Variants in CACNA2D3 observed in about 807,000 individuals in gnomAD.
CACNA2D3 encodes calcium voltage-gated channel auxiliary subunit alpha2delta 3, also known as voltage-dependent calcium channel subunit alpha-2/delta-3.
Under a neutral mutation model 160.6 loss-of-function variants are expected in CACNA2D3, and 60 were observed. The ratio of observed to expected loss-of-function variants is 0.37; its 90% CI spans 0.30 to 0.46. The LOEUF (loss-of-function observed/expected upper bound fraction) is 0.46. Ranked by LOEUF, CACNA2D3 falls within the 20% of genes least tolerant of loss-of-function variation. The pLI, the probability that CACNA2D3 is intolerant of heterozygous loss-of-function variation, is 1.00. For missense variants in CACNA2D3, 1,205 were observed against 1,365.0 expected (o/e 0.88, Z 1.85); for synonymous variants, 558 against 492.9 (o/e 1.13, Z -1.75).
intron 3 of CACNA2D3, among the ~76,000 whole-genome samples, chr3:54,352,060 G>A (rs1411201803): frequency 2.0e-5 from 3 of 152,270 alleles, no homozygotes; most frequent in African/African-American, 7.2e-5. Flanking sequence ...GGATACATAC[G>A]CTTGTGTTAT....
At chr3:54,218,913 T>C (rs1701514282) in intron 2 of CACNA2D3, among the ~76,000 whole-genome samples, 1 of 152,198 alleles carries the variant, frequency 6.6e-6, no homozygotes, top group South Asian at 2.1e-4. Context: ...GTGACTACAC[T>C]GAGTCCACCC....
chr3:54,155,495 C>A (rs907267337), intron 2 of CACNA2D3, among the ~76,000 whole-genome samples: 2 of 152,142 alleles, frequency 1.3e-5, no homozygotes, highest in African/African-American at 4.8e-5. Flanking sequence ...AGTTATATGG[C>A]CTAGGTCTCA....
At chr3:54,253,893 G>T (rs779671917) in intron 2 of CACNA2D3, among the ~76,000 whole-genome samples, 9 of 151,792 alleles carry the variant, frequency 5.9e-5, no homozygotes, top group African/African-American at 2.2e-4. Flanking sequence ...TCAGCCTCCC[G>T]AGTAGCTGGG....
chr3:54,507,380 G>A (rs1316793735), intron 5 of CACNA2D3, among the ~76,000 whole-genome samples: 1 of 152,110 alleles, frequency 6.6e-6, no homozygotes, highest in African/African-American at 2.4e-5. Context: ...CTCTAGCATT[G>A]CTCTGTTCTG....
intron 6 of CACNA2D3, among the ~76,000 whole-genome samples, chr3:54,565,478 T>C (rs899217180): frequency 1.3e-4 from 20 of 152,162 alleles, no homozygotes; most frequent in African/African-American, 4.8e-4. Context: ...CAGTTCAATT[T>C]ATGTCCTAAG....
chr3:54,359,649 A>G (rs1698709449), intron 3 of CACNA2D3, among the ~76,000 whole-genome samples: 1 of 152,180 alleles, frequency 6.6e-6, no homozygotes, highest in South Asian at 2.1e-4. Flanking sequence ...TTGAGAAGTG[A>G]TTCTTGCTCC....
intron 11 of CACNA2D3, among the ~76,000 whole-genome samples, chr3:54,704,798 T>A (rs1252424837): frequency 1.3e-5 from 2 of 152,168 alleles, no homozygotes; most frequent in African/African-American, 4.8e-5. Flanking sequence ...CAAGTCCAGT[T>A]GTTCTTGGTG....
intron 4 of CACNA2D3, among the ~76,000 whole-genome samples, chr3:54,400,727 G>T (rs893807982): frequency 1.3e-5 from 2 of 152,120 alleles, no homozygotes; most frequent in Non-Finnish European, 2.9e-5. Flanking sequence ...GGCACAGTAA[G>T]ACCCATCTGC....
rs554983001 is a variant in CACNA2D3 at position 54,686,358 on chromosome 3, A to G, written c.1167+44117A>G. On this transcript the variant is annotated intron_variant, in intron 11 of 37. Coordinates refer to ENST00000474759, the MANE Select transcript of CACNA2D3 (RefSeq NM_018398.3). Reference sequence around the variant, plus strand: ...CCTCTTCAATAGTACTCTGACTAGCACTTGTCATTAAACTGCAGATGGTTC... The same window carrying G: ...CCTCTTCAATAGTACTCTGACTAGCGCTTGTCATTAAACTGCAGATGGTTC... Among the ~76,000 whole-genome samples the G allele has an allele frequency of 2.6e-5, 4 of 152,348 alleles. No homozygotes were observed. The East Asian group carries it at 7.7e-4, about 29-fold the overall frequency.
chr3:54,237,648 C>CT (rs1373979958), intron 2 of CACNA2D3, among the ~76,000 whole-genome samples: 1 of 152,034 alleles, frequency 6.6e-6, no homozygotes, highest in Non-Finnish European at 1.5e-5. Context: ...TTTTAATTGC[C>CT]TTTTTTCTGC....
At chr3:54,782,979 G>C (rs1327137244) in intron 13 of CACNA2D3, among the ~76,000 whole-genome samples, 2 of 152,150 alleles carry the variant, frequency 1.3e-5, no homozygotes, top group Admixed American at 6.5e-5. Context: ...GCATGTGTCA[G>C]ATAGGCCCTA....
intron 5 of CACNA2D3, among the ~76,000 whole-genome samples, chr3:54,561,912 C>T (rs944053764): frequency 6.6e-6 from 1 of 152,182 alleles, no homozygotes; most frequent in Non-Finnish European, 1.5e-5. Flanking sequence ...AAAGGAGGAG[C>T]AAAGGCACAT....
At chr3:54,566,053 C>T (rs939387685) in intron 6 of CACNA2D3, among the ~76,000 whole-genome samples, 2 of 152,196 alleles carry the variant, frequency 1.3e-5, no homozygotes, top group South Asian at 2.1e-4. Flanking sequence ...TGTTGTCTCC[C>T]ATCACACCAG....
In CACNA2D3 at chr3:54,702,541, A is replaced by G. The variant is rs575870267; in HGVS notation, c.1168-50058A>G. Among the ~76,000 whole-genome samples the G allele has an allele frequency of 5.9e-5, 9 of 152,324 alleles. No homozygotes were observed. In the East Asian group the frequency reaches 1.7e-3, roughly 29 times the overall value. ...TACAGAAATGTAAATCAAAACCACT[A>G]TGAGATACCATCTCACCAGTCAGAA... is the stretch of plus-strand genomic sequence containing the variant. On this transcript the variant is annotated intron_variant, in intron 11 of 37. Transcript: ENST00000474759.
intron 2 of CACNA2D3, among the ~76,000 whole-genome samples, chr3:54,190,592 G>T (rs569956288): frequency 9.2e-5 from 14 of 152,274 alleles, no homozygotes; most frequent in African/African-American, 2.9e-4. Context: ...TGTCTATAGA[G>T]ACCTTTGGAC....
intron 4 of CACNA2D3, among the ~76,000 whole-genome samples, chr3:54,456,644 A>G (rs1172054971): frequency 6.6e-6 from 1 of 151,724 alleles, no homozygotes; most frequent in Admixed American, 6.6e-5. Flanking sequence ...TGGAAGTGCT[A>G]CCTCCTCTTC....
chr3:54,536,226 TTA>T (rs1290782198), intron 5 of CACNA2D3, among the ~76,000 whole-genome samples: 1 of 152,160 alleles, frequency 6.6e-6, no homozygotes. Context: ...AAACAGGTCA[TTA>T]TATGTAGGGG....
At chr3:54,926,453 C>T (rs1026992276) in intron 27 of CACNA2D3, among the ~76,000 whole-genome samples, 17 of 151,732 alleles carry the variant, frequency 1.1e-4, no homozygotes, top group African/African-American at 3.9e-4. Flanking sequence ...CACTTTTCCT[C>T]CCTCCAGAGT....
chr3:54,321,475 T>C (rs1287567877), intron 3 of CACNA2D3, among the ~76,000 whole-genome samples: 1 of 152,200 alleles, frequency 6.6e-6, no homozygotes, highest in Admixed American at 6.5e-5. Flanking sequence ...TAAATAATGC[T>C]GCAGTGAATC....
Sources: gnomAD v4.1 joint callset for allele counts (sites outside exome capture counted in the v4.1 genomes callset) on GRCh38, gnomAD v4.1.1 for gene constraint, MANE v1.5 for transcripts, NCBI Gene and HGNC (gene_info 2026-07-23, HGNC 2026-07-21) for gene names.